The following RIN2 variants were observed in gnomAD, a reference collection of about 807,000 sequenced individuals.
The protein encoded by RIN2 is Ras and Rab interactor 2.
RIN2 carries 36 observed loss-of-function variants against 78.0 expected under a neutral mutation model. That is an observed-to-expected ratio of 0.46 (90% CI 0.35 to 0.61). The LOEUF (loss-of-function observed/expected upper bound fraction) is 0.61. RIN2 is among the 20% of genes least tolerant of loss of function. The probability of loss-of-function intolerance (pLI) is 0.00; values close to 1 mark genes in which losing one functional copy is unlikely to be tolerated. For synonymous variants in RIN2, 466 were observed against 466.8 expected, an observed-to-expected ratio of 1.00 and a Z score of 0.02; for missense variants, 1,087 against 1,159.7, an observed-to-expected ratio of 0.94 and a Z score of 0.91.
intron 2 of RIN2, among the ~76,000 whole-genome samples, chr20:19,868,550 G>T (rs1451521367): frequency 2.0e-5 from 3 of 152,130 alleles, no homozygotes; most frequent in Non-Finnish European, 4.4e-5. Context: ...AGGTCTTAGG[G>T]TTTCATCCGG....
chr20:19,843,370 A>T (rs921639493), intron 2 of RIN2, among the ~76,000 whole-genome samples: 1 of 152,232 alleles, frequency 6.6e-6, no homozygotes, highest in Non-Finnish European at 1.5e-5. Context: ...TGTGACAAAC[A>T]TCATTGTTGT....
chr20:19,835,151 G>GAAGA (rs142091343), intron 2 of RIN2, among the ~76,000 whole-genome samples: 4 of 150,590 alleles, frequency 2.7e-5, no homozygotes, highest in Non-Finnish European at 4.4e-5. Flanking sequence ...AGGGAGGAAG[G>GAAGA]AAGGAAGGAA....
Position 19,974,955 on chromosome 20 carries a change from G to GCCCCCCCCCCC in RIN2, c.935_936insCCCCCCCCCCC (p.Ala315ProfsTer36). On this transcript the variant is annotated frameshift_variant, in exon 9 of 13. Transcript: ENST00000255006. LOFTEE classifies it high-confidence loss of function. Reference sequence around the variant, plus strand: ...AGCGGACTCGGTCCCCCCCACCCAGGCCCCCGCCACCCGCTATTAATAGTC... The same window carrying GCCCCCCCCCCC: ...AGCGGACTCGGTCCCCCCCACCCAGGCCCCCCCCCCCCCCCCGCCACCCGCTATTAATAGTC... 6.6e-7 allele frequency: 1 copy of GCCCCCCCCCCC among 1,517,098 alleles called. No homozygotes were observed. Among genetic ancestry groups the GCCCCCCCCCCC allele is most frequent in the Admixed American group, 1.7e-5 (1 of 59,492 alleles). 94.0% of individuals were successfully genotyped at this position (1,517,098 alleles called of 1,614,324 possible).
chr20:19,842,375 CA>C (rs1199309593), intron 2 of RIN2, among the ~76,000 whole-genome samples: 1 of 148,460 alleles, frequency 6.7e-6, no homozygotes, highest in Non-Finnish European at 1.5e-5. Flanking sequence ...AGGCACTCAC[CA>C]CCATCCCTGG....
chr20:19,912,791 T>A (rs192821068), intron 3 of RIN2, among the ~76,000 whole-genome samples: 1 of 152,300 alleles, frequency 6.6e-6, no homozygotes, highest in Admixed American at 6.5e-5. Context: ...GGATGGTCAT[T>A]TCTAACCACC....
chr20:19,840,295 C>A (rs1366880799), intron 2 of RIN2, among the ~76,000 whole-genome samples: 1 of 152,116 alleles, frequency 6.6e-6, no homozygotes, highest in Non-Finnish European at 1.5e-5. Context: ...TCCCTGGTGC[C>A]ACACCTTGGT....
At chr20:19,875,543 G>A (rs2025046) in intron 2 of RIN2, among the ~76,000 whole-genome samples, 11,027 of 152,214 alleles carry the variant, frequency 0.072, 601 homozygotes, top group East Asian at 0.19. Context: ...TCTGAGGCGG[G>A]AGGATGGCTT....
At chr20:19,999,571 T>G (rs1244850376) in intron 12 of RIN2, among the ~76,000 whole-genome samples, 1 of 152,210 alleles carries the variant, frequency 6.6e-6, no homozygotes, top group Admixed American at 6.5e-5. Context: ...AAACTCAAAT[T>G]TAACTGGCTG....
At chr20:19,825,829 A>C (rs1314412511) in intron 2 of RIN2, among the ~76,000 whole-genome samples, 2 of 152,062 alleles carry the variant, frequency 1.3e-5, no homozygotes, top group Non-Finnish European at 2.9e-5. Context: ...TTTTGCATTT[A>C]TTTCTGCTAC....
intron 3 of RIN2, among the ~76,000 whole-genome samples, chr20:19,924,473 C>T (rs2040115804): frequency 2.4e-5 from 2 of 84,346 alleles, no homozygotes; most frequent in Non-Finnish European, 5.1e-5. Flanking sequence ...CACCTTCATA[C>T]CCCCACCTTC....
chr20:19,773,850 T>A (rs78586012), intron 1 of RIN2, among the ~76,000 whole-genome samples: 3,612 of 151,504 alleles, frequency 0.024, 80 homozygotes, highest in East Asian at 0.086. Flanking sequence ...TAAAATCACA[T>A]CATGGATTGT....
At chr20:19,880,269 A>AAT (rs1491026154) in intron 2 of RIN2, among the ~76,000 whole-genome samples, 5 of 144,678 alleles carry the variant, frequency 3.5e-5, no homozygotes, top group Admixed American at 6.9e-5. Context: ...AAAAAAAAAA[A>AAT]ATTTCCAGCA....
At chr20:19,802,465 T>A (rs1322521896) in intron 2 of RIN2, among the ~76,000 whole-genome samples, 9 of 127,070 alleles carry the variant, frequency 7.1e-5, no homozygotes, top group African/African-American at 3.8e-4. Flanking sequence ...CTACAAAAAG[T>A]TTCTTTAAAA....
At chr20:19,850,835 A>G (rs1379161146) in intron 2 of RIN2, among the ~76,000 whole-genome samples, 1 of 152,092 alleles carries the variant, frequency 6.6e-6, no homozygotes, top group Non-Finnish European at 1.5e-5. Context: ...TTAGCCTGGC[A>G]TGTTGGCACA....
At chr20:19,955,076 G>T (rs1032756020) in intron 4 of RIN2, among the ~76,000 whole-genome samples, 3 of 152,122 alleles carry the variant, frequency 2.0e-5, no homozygotes, top group African/African-American at 7.2e-5. Flanking sequence ...ACCCTGGAAA[G>T]AAACCTGGTA....
chr20:19,787,292 G>A (rs756433816), intron 1 of RIN2, among the ~76,000 whole-genome samples: 27 of 151,744 alleles, frequency 1.8e-4, no homozygotes, highest in South Asian at 4.2e-4. Flanking sequence ...GCATGGTGGC[G>A]TGCAGCTGTA....
chr20:19,924,712 ACCT>A (rs1487549310), intron 3 of RIN2, among the ~76,000 whole-genome samples: 1 of 9,774 alleles, frequency 1.0e-4, no homozygotes, highest in African/African-American at 4.2e-4. Context: ...TCATATCCCC[ACCT>A]CTTTTTTTTT....
At chr20:19,839,018 G>C (rs1269457868) in intron 2 of RIN2, among the ~76,000 whole-genome samples, 2 of 152,142 alleles carry the variant, frequency 1.3e-5, no homozygotes, top group Non-Finnish European at 2.9e-5. Flanking sequence ...ATTGGGAACA[G>C]GATTCCAGCA....
intron 1 of RIN2, among the ~76,000 whole-genome samples, chr20:19,769,169 G>A (rs571840929): frequency 5.9e-5 from 9 of 151,974 alleles, no homozygotes; most frequent in Admixed American, 3.9e-4. Flanking sequence ...TGATCCACGC[G>A]CCTTGGCCAC....
Sources: gnomAD v4.1 joint callset for allele counts (sites outside exome capture counted in the v4.1 genomes callset) on GRCh38, gnomAD v4.1.1 for gene constraint, MANE v1.5 for transcripts, NCBI Gene and HGNC (gene_info 2026-07-23, HGNC 2026-07-21) for gene names.